CADM1: variants seen among roughly 807,000 people sequenced by gnomAD.
The protein encoded by CADM1 is TSLC-1.
CADM1 carries 15 observed loss-of-function variants against 53.1 expected under a neutral mutation model. The observed-to-expected ratio is 0.28, with a 90% CI of 0.19 to 0.44. The LOEUF (loss-of-function observed/expected upper bound fraction) is 0.44, where lower values mean the gene tolerates loss of function less well. Ranked by LOEUF, CADM1 falls within the 20% of genes least tolerant of loss-of-function variation. The pLI is 1.00. For synonymous variants in CADM1, 281 were observed against 243.0 expected, an observed-to-expected ratio of 1.16 and a Z score of -1.45; for missense variants, 434 against 611.3, an observed-to-expected ratio of 0.71 and a Z score of 3.06.
chr11:115,443,094 C>A (rs1019742240), intron 1 of CADM1, among the ~76,000 whole-genome samples: 6 of 152,158 alleles, frequency 3.9e-5, no homozygotes, highest in Non-Finnish European at 2.9e-5. Context: ...TAAGTTTATT[C>A]TGAAGCTAAA....
chr11:115,350,840 G>T (rs1945714243), intron 1 of CADM1, among the ~76,000 whole-genome samples: 1 of 151,096 alleles, frequency 6.6e-6, no homozygotes, highest in African/African-American at 2.4e-5. Context: ...CCATATAAAA[G>T]TGATCTGGAA....
chr11:115,478,902 A>G (rs980558845), intron 1 of CADM1, among the ~76,000 whole-genome samples: 2 of 152,136 alleles, frequency 1.3e-5, no homozygotes, highest in African/African-American at 4.8e-5. Context: ...TGGACAGATC[A>G]TAATTTATTT....
At chr11:115,294,357 C>T (rs1467025029) in intron 1 of CADM1, among the ~76,000 whole-genome samples, 1 of 152,154 alleles carries the variant, frequency 6.6e-6, no homozygotes, top group African/African-American at 2.4e-5. Context: ...TCCTTCAGCT[C>T]TTACCATTTT....
At chr11:115,235,097 G>T (rs1389952356) in intron 3 of CADM1, among the ~76,000 whole-genome samples, 1 of 151,192 alleles carries the variant, frequency 6.6e-6, no homozygotes, top group Admixed American at 6.6e-5. Flanking sequence ...GGAGTTGTTT[G>T]GTTTATAAAA....
At chr11:115,355,770 T>C (rs1466374230) in intron 1 of CADM1, among the ~76,000 whole-genome samples, 1 of 152,054 alleles carries the variant, frequency 6.6e-6, no homozygotes, top group African/African-American at 2.4e-5. Flanking sequence ...CTGATTTTAC[T>C]GAACAGTTCT....
At chr11:115,423,328 A>G (rs1947807871) in intron 1 of CADM1, among the ~76,000 whole-genome samples, 1 of 152,220 alleles carries the variant, frequency 6.6e-6, no homozygotes, top group Non-Finnish European at 1.5e-5. Context: ...AAGTGCTTTT[A>G]ACATTCATCT....
chr11:115,293,237 C>T (rs1943955177), intron 1 of CADM1, among the ~76,000 whole-genome samples: 2 of 152,136 alleles, frequency 1.3e-5, no homozygotes, highest in African/African-American at 4.8e-5. Flanking sequence ...TCAAGACCAT[C>T]CTGGCTAACA....
intron 1 of CADM1, chr11:115,377,948 T>C (rs962713113): frequency 1.3e-5 from 2 of 152,176 alleles, no homozygotes; most frequent in African/African-American, 2.4e-5. Flanking sequence ...AACCTTAAGT[T>C]TGAATGATTC....
In CADM1 at chr11:115,256,263, T is replaced by C. The variant is rs1942784512; in HGVS notation, c.125-15843A>G. On this transcript the variant is annotated intron_variant, in intron 1 of 11. Transcript: ENST00000331581. ...ACTCTGGCTAGCAGATAAAAATTGC[T>C]GTAAAAATATAGGTAACAGCATAAA... Among the ~76,000 whole-genome samples the C allele has an allele frequency of 3.9e-5, 6 of 152,340 alleles. No individual in the cohort carries two copies. In the South Asian group the frequency reaches 1.2e-3, roughly 32 times the overall value.
intron 1 of CADM1, among the ~76,000 whole-genome samples, chr11:115,407,174 G>A (rs957789498): frequency 2.3e-4 from 35 of 152,094 alleles, no homozygotes; most frequent in African/African-American, 7.2e-4. Flanking sequence ...ATGCTACAGA[G>A]GTTTGGGCGA....
chr11:115,493,529 A>C (rs1310284306), intron 1 of CADM1, among the ~76,000 whole-genome samples: 3 of 152,166 alleles, frequency 2.0e-5, no homozygotes, highest in Non-Finnish European at 4.4e-5. Context: ...TGCTCACAAG[A>C]TATGTATACA....
intron 3 of CADM1, among the ~76,000 whole-genome samples, chr11:115,235,010 T>C (rs139897350): frequency 2.7e-4 from 40 of 150,334 alleles, no homozygotes; most frequent in African/African-American, 9.5e-4. Context: ...TCCAAGCCCA[T>C]AAATAGTTTT....
chr11:115,463,638 G>A (rs1591270974), intron 1 of CADM1, among the ~76,000 whole-genome samples: 1 of 152,148 alleles, frequency 6.6e-6, no homozygotes, highest in African/African-American at 2.4e-5. Flanking sequence ...TCCTATGAAA[G>A]GTTATGTTTT....
At chr11:115,243,524 G>T (rs1942311922) in intron 1 of CADM1, among the ~76,000 whole-genome samples, 1 of 152,140 alleles carries the variant, frequency 6.6e-6, no homozygotes. Flanking sequence ...TGGCTGCAAA[G>T]GAATAATAAT....
At chr11:115,234,546 C>T (rs1290661579) in intron 3 of CADM1, among the ~76,000 whole-genome samples, 1 of 152,092 alleles carries the variant, frequency 6.6e-6, no homozygotes, top group Non-Finnish European at 1.5e-5. Flanking sequence ...AAAGAGCTGA[C>T]ATCATCTTCA....
intron 1 of CADM1, among the ~76,000 whole-genome samples, chr11:115,262,758 T>A (rs1943014489): frequency 6.6e-6 from 1 of 152,148 alleles, no homozygotes; most frequent in Non-Finnish European, 1.5e-5. Context: ...CATTTTAGGG[T>A]TTCTTCACCT....
At chr11:115,222,175 C>G (rs1941431237) in intron 5 of CADM1, among the ~76,000 whole-genome samples, 1 of 152,160 alleles carries the variant, frequency 6.6e-6, no homozygotes, top group Admixed American at 6.6e-5. Context: ...ATCAGAATGT[C>G]TGGGTAGCGG....
At chr11:115,275,794 T>C (rs1358931446) in intron 1 of CADM1, among the ~76,000 whole-genome samples, 1 of 152,198 alleles carries the variant, frequency 6.6e-6, no homozygotes, top group Non-Finnish European at 1.5e-5. Flanking sequence ...AGGATAATGG[T>C]GCGCTTGCTA....
chr11:115,283,050 G>A (rs1282847706), intron 1 of CADM1, among the ~76,000 whole-genome samples: 1 of 152,110 alleles, frequency 6.6e-6, no homozygotes, highest in Non-Finnish European at 1.5e-5. Context: ...AGCTTTTATA[G>A]CTTTGATGAA....
Sources: gnomAD v4.1 joint callset for allele counts (sites outside exome capture counted in the v4.1 genomes callset) on GRCh38, gnomAD v4.1.1 for gene constraint, MANE v1.5 for transcripts, NCBI Gene and HGNC (gene_info 2026-07-23, HGNC 2026-07-21) for gene names.